Variants in SMIM10L3 observed in about 807,000 individuals in gnomAD.
SMIM10L3 encodes the protein small integral membrane protein 10 like 3.
the SMIM10L3 span, among the ~76,000 whole-genome samples, chr7:6,339,285 C>T: frequency 4.3e-4 from 66 of 152,064 alleles, no homozygotes; most frequent in African/African-American, 1.6e-3. Flanking sequence ...CTGAGCAACA[C>T]AGCAAGACCC....
At chr7:6,340,647 C>T in the SMIM10L3 span, among the ~76,000 whole-genome samples, 1 of 152,060 alleles carries the variant, frequency 6.6e-6, no homozygotes, top group Non-Finnish European at 1.5e-5. Flanking sequence ...TGGGATTATT[C>T]CCAGCACTTT....
At chr7:6,330,960 C>T in the SMIM10L3 span, 1 of 1,614,254 alleles carries the variant, frequency 6.2e-7, no homozygotes, top group Non-Finnish European at 8.5e-7. Flanking sequence ...GATCCTTTCT[C>T]ATTTCCAGTG....
the SMIM10L3 span, among the ~76,000 whole-genome samples, chr7:6,334,007 C>T: frequency 3.3e-5 from 5 of 151,372 alleles, no homozygotes; most frequent in South Asian, 2.1e-4. Context: ...CCACCACGCC[C>T]GGCTAATTTT....
chr7:6,345,736 T>C, the SMIM10L3 span, among the ~76,000 whole-genome samples: 8 of 152,070 alleles, frequency 5.3e-5, no homozygotes, highest in Admixed American at 5.3e-4. Flanking sequence ...CCTCAAAGTT[T>C]CTTTTTTTAA....
chr7:6,330,500 T>C, the SMIM10L3 span: 10 of 1,614,060 alleles, frequency 6.2e-6, no homozygotes, highest in South Asian at 2.2e-5. Context: ...TTTGAAAACA[T>C]GGGCTTTAAA....
the SMIM10L3 span, chr7:6,330,228 A>T: frequency 1.3e-6 from 1 of 795,886 alleles, no homozygotes. Context: ...CTTTGAATTT[A>T]AACTCAATTT....
chr7:6,348,849 CGAA>C, the SMIM10L3 span: 62 of 391,466 alleles, frequency 1.6e-4, no homozygotes, highest in Admixed American at 2.0e-3. Context: ...GCTCAGGGAG[CGAA>C]GGAGGCGGCG....
chr7:6,346,495 C>T, the SMIM10L3 span, among the ~76,000 whole-genome samples: 1 of 152,126 alleles, frequency 6.6e-6, no homozygotes, highest in Non-Finnish European at 1.5e-5. Context: ...GCCCCACAAG[C>T]AGCTGGGACT....
the SMIM10L3 span, among the ~76,000 whole-genome samples, chr7:6,343,043 AAAAAAG>A: frequency 7.9e-6 from 1 of 126,098 alleles, no homozygotes; most frequent in Non-Finnish European, 1.7e-5. Context: ...TCTCAAAAAA[AAAAAAG>A]AAAAAAGAAA....
chr7:6,348,240 G>A, the SMIM10L3 span, among the ~76,000 whole-genome samples: 1 of 150,722 alleles, frequency 6.6e-6, no homozygotes, highest in Non-Finnish European at 1.5e-5. Flanking sequence ...TAAGGGGGGG[G>A]GTTGCAAAGT....
the SMIM10L3 span, among the ~76,000 whole-genome samples, chr7:6,335,518 G>C: frequency 6.9e-6 from 1 of 144,750 alleles, no homozygotes; most frequent in Admixed American, 7.1e-5. Flanking sequence ...GTGAGCCTCC[G>C]TGCCCAGCCT....
the SMIM10L3 span, chr7:6,348,615 GT>G: frequency 2.0e-6 from 1 of 492,594 alleles, no homozygotes; most frequent in Admixed American, 3.3e-5. Context: ...CGATGTAGAG[GT>G]AGGGGAAGTT....
the SMIM10L3 span, among the ~76,000 whole-genome samples, chr7:6,333,070 T>G: frequency 6.6e-6 from 1 of 151,216 alleles, no homozygotes; most frequent in East Asian, 1.9e-4. Context: ...AGCGAGAGAA[T>G]TGCGTGAACC....
chr7:6,346,068 C>T, the SMIM10L3 span, among the ~76,000 whole-genome samples: 1 of 152,018 alleles, frequency 6.6e-6, no homozygotes, highest in Non-Finnish European at 1.5e-5. Context: ...CATGCCCAGC[C>T]AAAGTTTGTT....
chr7:6,335,301 C>T, the SMIM10L3 span, among the ~76,000 whole-genome samples: 2 of 151,882 alleles, frequency 1.3e-5, no homozygotes, highest in Non-Finnish European at 2.9e-5. Context: ...CGGCTCACTA[C>T]AACCTCTGCC....
At chr7:6,345,975 T>G in the SMIM10L3 span, among the ~76,000 whole-genome samples, 6 of 151,968 alleles carry the variant, frequency 3.9e-5, 1 homozygote, top group South Asian at 1.2e-3. Context: ...TGCCATATTG[T>G]CCAGGCTGGT....
At chr7:6,333,790 A>G in the SMIM10L3 span, among the ~76,000 whole-genome samples, 1 of 147,934 alleles carries the variant, frequency 6.8e-6, no homozygotes, top group Admixed American at 6.8e-5. Context: ...TTTTTTTAAT[A>G]GAGACAGGGT....
At chr7:6,348,458 G>A in the SMIM10L3 span, 1 of 397,686 alleles carries the variant, frequency 2.5e-6, no homozygotes, top group Non-Finnish European at 4.4e-6. Context: ...GAAAATGCAC[G>A]GTGCTTGACA....
chr7:6,342,968 T>C, the SMIM10L3 span, among the ~76,000 whole-genome samples: 1 of 150,104 alleles, frequency 6.7e-6, no homozygotes. Context: ...GTCCAGGAGC[T>C]GGAGGCTGTA....
Sources: gnomAD v4.1 joint callset for allele counts (sites outside exome capture counted in the v4.1 genomes callset) on GRCh38, gnomAD v4.1.1 for gene constraint, MANE v1.5 for transcripts, NCBI Gene and HGNC (gene_info 2026-07-23, HGNC 2026-07-21) for gene names.